Variants in COL12A1 observed in about 807,000 individuals in gnomAD.
The protein encoded by COL12A1 is collagen type XII alpha 1 chain.
In COL12A1, 114 loss-of-function variants were observed where a neutral mutation model predicts 349.7. The ratio of observed to expected loss-of-function variants is 0.33; its 90% CI spans 0.28 to 0.38. COL12A1 has a LOEUF of 0.38. COL12A1 is among the 10% of genes least tolerant of loss of function. The pLI is 1.00. For missense variants in COL12A1, 3,284 were observed against 3,756.9 expected (o/e 0.87, Z 3.29); for synonymous variants, 1,369 against 1,329.0 (o/e 1.03, Z -0.66).
At position 75,155,643 on chromosome 6, in the gene COL12A1, A is replaced by G; in HGVS notation, c.3443+19T>C. ...ACAAATTAATTTCATCCTTTGATAC[A>G]AACGTAGTTAATTCCTACCTAAGTT... On this transcript the variant is annotated intron_variant, in intron 16 of 65. Transcript: ENST00000322507. 6.3e-7 allele frequency: 1 copy of G among 1,587,382 alleles called. No homozygotes were observed. The highest frequency in any genetic ancestry group is 8.5e-7 in the Non-Finnish European group (1 of 1,171,032).
At position 75,115,787 on chromosome 6, in the gene COL12A1, G is replaced by A; in HGVS notation, c.7694C>T (p.Thr2565Ile). ...IQKNAFVNQP[T>I]ADLHPNGLPP... Reference sequence around the variant, plus strand: ...AACCTCCTGTTGTCACACTTACGCTGTAGGCTGATTCACAAACGCATTCTT... The same window carrying A: ...AACCTCCTGTTGTCACACTTACGCTATAGGCTGATTCACAAACGCATTCTT... The change falls in exon 49 of 66, where the codon ACA (threonine) becomes ATA (isoleucine). Residue 2565 changes from threonine to isoleucine, a missense_variant. This residue lies in a region of COL12A1 where 683 missense variants were observed against 932.1 expected (regional missense o/e 0.73). Coordinates refer to ENST00000322507, the MANE Select transcript of COL12A1 (RefSeq NM_004370.6). 1 of 1,608,258 alleles carries A rather than the reference G, an allele frequency of 6.2e-7. No individual in the cohort carries two copies. Among genetic ancestry groups the A allele is most frequent in the Non-Finnish European group, 8.5e-7 (1 of 1,178,080 alleles).
At chr6:75,095,205 A>T in intron 59 of COL12A1, 26 bp from the exon 60 acceptor site, 1 of 1,577,550 alleles carries the variant, frequency 6.3e-7, no homozygotes, top group South Asian at 1.1e-5. Context: ...AGGGAAGGGG[A>T]CTGTTATGAC....
Position 75,140,655 on chromosome 6 carries a change from C to CAAAAAAAAAAAAAAAAA in COL12A1, c.4957+1360_4957+1376dup, listed in dbSNP as rs1236499281. Among the ~76,000 whole-genome samples, 43 of 46,132 alleles carry CAAAAAAAAAAAAAAAAA rather than the reference C, an allele frequency of 9.3e-4. 4 individuals are homozygous for CAAAAAAAAAAAAAAAAA. Among genetic ancestry groups the CAAAAAAAAAAAAAAAAA allele is most frequent in the African/African-American group, 3.7e-3 (41 of 11,148 alleles). The allele number at this position is 46,132 out of a possible 152,430, so 30.3% of individuals were successfully genotyped here. A position where few individuals can be genotyped will look rare whatever the true frequency, so the allele number is the denominator to read the frequency against. On this transcript the variant is annotated intron_variant, in intron 27 of 65. Coordinates refer to ENST00000322507, the MANE Select transcript of COL12A1 (RefSeq NM_004370.6). The stretch of plus-strand genomic sequence containing the variant: ...TGGGTGACAGAGCGAGACTCTGTCT[C>CAAAAAAAAAAAAAAAAA]AAAAAAAAAAAAAAAAAAAAAAAGC...
chr6:75,160,482 A>G (rs1191505322), intron 14 of COL12A1, among the ~76,000 whole-genome samples: 1 of 152,214 alleles, frequency 6.6e-6, no homozygotes, highest in Non-Finnish European at 1.5e-5. Flanking sequence ...TTCCTCTACC[A>G]TCTGAATAGC....
At chr6:75,177,638 C>T in intron 12 of COL12A1, 25 bp downstream of exon 12, 1 of 1,613,862 alleles carries the variant, frequency 6.2e-7, no homozygotes, top group Non-Finnish European at 8.5e-7. Flanking sequence ...TGGTTGTCAC[C>T]ATATGATAAG....
Position 75,147,778 on chromosome 6 carries a change from G to C in COL12A1, c.4314C>G (p.Ser1438Arg). 1 of 1,613,240 alleles carries C rather than the reference G, an allele frequency of 6.2e-7. No homozygotes were observed. The highest frequency in any genetic ancestry group is 8.5e-7 in the Non-Finnish European group (1 of 1,179,536). The change falls in exon 23 of 66, where the codon AGC becomes AGG. Residue 1438 changes from serine to arginine, a missense_variant. Coordinates refer to ENST00000322507, the MANE Select transcript of COL12A1 (RefSeq NM_004370.6). ...QEFYVSRMET[S>R]TVLKDLKPET... is the part of the protein sequence containing the mutation. ...CAGGTTTCAGATCTTTCAGCACTGTGCTAGTTTCCATTCGACTCACATAAA... is the reference window on the plus strand; with the variant it reads ...CAGGTTTCAGATCTTTCAGCACTGTCCTAGTTTCCATTCGACTCACATAAA...
intron 22 of COL12A1, 31 bp from the exon 23 acceptor site, chr6:75,147,835 G>T (rs563233666): frequency 1.2e-6 from 2 of 1,607,162 alleles, no homozygotes; most frequent in Admixed American, 3.4e-5. Flanking sequence ...GAGCAACAAC[G>T]TATGTATAAT....
At chr6:75,113,334 T>C in intron 50 of COL12A1, 21 bp from the exon 51 acceptor site, 1 of 1,436,776 alleles carries the variant, frequency 7.0e-7, no homozygotes, top group Non-Finnish European at 9.4e-7. Flanking sequence ...CATAAAAGTG[T>C]TATTAAATCA....
chr6:75,134,177 T>C (rs1340383194), intron 32 of COL12A1, among the ~76,000 whole-genome samples, 180 bp from the exon 33 acceptor site: 1 of 152,230 alleles, frequency 6.6e-6, no homozygotes, highest in Non-Finnish European at 1.5e-5. Context: ...ATGTCTCATC[T>C]ATCCACAAGA....
chr6:75,156,710 G>T (rs990890843), intron 14 of COL12A1, among the ~76,000 whole-genome samples, 187 bp from the exon 15 acceptor site: 1 of 152,126 alleles, frequency 6.6e-6, no homozygotes, highest in Non-Finnish European at 1.5e-5. Context: ...ATCTCAGTAA[G>T]ATGTTTTCGT....
intron 28 of COL12A1, 98 bp downstream of exon 28, chr6:75,138,724 G>C: frequency 6.5e-7 from 1 of 1,545,802 alleles, no homozygotes; most frequent in Non-Finnish European, 8.8e-7. Flanking sequence ...GTCAATAAAT[G>C]CTTATTGACA....
Position 75,123,339 on chromosome 6 carries a change from C to A in COL12A1, c.6937G>T (p.Ala2313Ser). The change falls in exon 43 of 66, where the codon GCC becomes TCC. Residue 2313 changes from alanine (A) to serine (S), a missense_variant. Ala to Ser is a moderately conservative substitution (Grantham distance 99). Transcript: ENST00000322507. ...ATTTAGCTGTACTTACCATCCCGGG[C>A]TGGTGGAATGGTGGGAGGGGGAGGA... ...TPPPPPTIPP[A>S]RDVCKGAKAD... 1.2e-6 allele frequency: 2 copies of A among 1,609,384 alleles called. No homozygotes were observed. The highest frequency in any genetic ancestry group is 1.7e-6 in the Non-Finnish European group (2 of 1,177,762).
intron 11 of COL12A1, among the ~76,000 whole-genome samples, chr6:75,179,157 A>C (rs1170696329): frequency 2.0e-5 from 3 of 152,258 alleles, no homozygotes; most frequent in African/African-American, 7.2e-5. Context: ...TGAAAGTATT[A>C]CATTGGAAAC....
chr6:75,183,874 T>G lies in COL12A1; in HGVS notation c.1268A>C (p.Gln423Pro). Residue 423 changes from glutamine to proline, a missense_variant, in exon 9 of 66, where the codon CAG (glutamine) becomes CCG (proline). By Grantham distance (76) the Gln-to-Pro change is moderately conservative. This residue lies in a region of COL12A1 where 2,601 missense variants were observed against 2,824.8 expected (regional missense o/e 0.92). Transcript: ENST00000322507. The part of the protein sequence containing the change: ...SEPISIMEKT[Q>P]PMKVQVECSR... The stretch of plus-strand genomic sequence containing the variant: ...CTTACCCACTTGAACTTTCATTGGC[T>G]GAGTCTTCTCCATTATTGAAATGGG... 6.2e-7 allele frequency: 1 copy of G among 1,614,150 alleles called. No individual in the cohort carries two copies. Among genetic ancestry groups the G allele is most frequent in the Non-Finnish European group, 8.5e-7 (1 of 1,179,948 alleles).
At chr6:75,101,230 A>G (rs1768288587) in intron 58 of COL12A1, among the ~76,000 whole-genome samples, 1 of 152,232 alleles carries the variant, frequency 6.6e-6, no homozygotes, top group African/African-American at 2.4e-5. Flanking sequence ...GGCTACCCTC[A>G]TGGTTACAGA....
At chr6:75,109,587 T>C (rs779018436) in intron 51 of COL12A1, among the ~76,000 whole-genome samples, 7 of 152,148 alleles carry the variant, frequency 4.6e-5, no homozygotes, top group Non-Finnish European at 1.0e-4. Flanking sequence ...AATTCAACTT[T>C]CAGTTTGTTG....
intron 23 of COL12A1, 70 bp from the exon 24 acceptor site, chr6:75,146,314 T>G: frequency 6.9e-7 from 1 of 1,450,108 alleles, no homozygotes; most frequent in Admixed American, 2.5e-5. Flanking sequence ...CATTGTTTTG[T>G]ACTCAATTAT....
At chr6:75,169,275 A>T (rs753431673) in intron 13 of COL12A1, among the ~76,000 whole-genome samples, 1 of 152,192 alleles carries the variant, frequency 6.6e-6, no homozygotes, top group Non-Finnish European at 1.5e-5. Flanking sequence ...GTTTAGTTTC[A>T]TTATATTGGG....
chr6:75,118,236 T>C (rs912325165), intron 46 of COL12A1, among the ~76,000 whole-genome samples: 1 of 152,148 alleles, frequency 6.6e-6, no homozygotes, highest in Non-Finnish European at 1.5e-5. Flanking sequence ...GTAAGGTGTA[T>C]AACATAATGG....
Sources: allele counts gnomAD v4.1 joint callset (sites outside exome capture counted in the v4.1 genomes callset), GRCh38; gene constraint gnomAD v4.1.1; regional missense constraint gnomAD v4.1.1; transcripts MANE v1.5; gene names NCBI Gene and HGNC (gene_info 2026-07-23, HGNC 2026-07-21).